Variants in FRYL observed in about 807,000 individuals in gnomAD.
The protein encoded by FRYL is protein furry homolog-like.
Under a neutral mutation model 351.2 loss-of-function variants are expected in FRYL, and 150 were observed. The ratio of observed to expected loss-of-function variants is 0.43; its 90% CI spans 0.37 to 0.49. The LOEUF is 0.49. Among genes scored for constraint, FRYL ranks in the 20% least tolerant of loss-of-function variants. FRYL has a pLI of 0.00. For synonymous variants in FRYL, 1,153 were observed against 1,257.1 expected (o/e 0.92, Z 1.75); for missense variants, 3,036 against 3,619.3 (o/e 0.84, Z 4.13).
chr4:48,614,116 C>G (rs1017718346), intron 7 of FRYL, among the ~76,000 whole-genome samples: 4 of 151,952 alleles, frequency 2.6e-5, no homozygotes, highest in African/African-American at 7.3e-5. Flanking sequence ...TCTGGTAAGA[C>G]AGAGTTCGAG....
Position 48,557,731 on chromosome 4 carries a change from C to A in FRYL, c.3866-19G>T. 2 of 1,610,778 alleles carry A rather than the reference C, an allele frequency of 1.2e-6. No homozygotes were observed. The highest frequency in any genetic ancestry group is 2.2e-5 in the South Asian group (2 of 90,914). On this transcript the variant is annotated intron_variant, in intron 33 of 63. Coordinates refer to ENST00000358350, the MANE Select transcript of FRYL (RefSeq NM_015030.2). ...CTTATCTCTGAAATTGAAAACAAGT[C>A]AAAGATAACTGATGTAATTTCAGCT...
intron 52 of FRYL, 31 bp from the exon 53 acceptor site, chr4:48,527,684 C>T (rs749041072): frequency 2.0e-5 from 31 of 1,576,492 alleles, no homozygotes; most frequent in Non-Finnish European, 2.7e-5. Flanking sequence ...AAAAAAAAGT[C>T]CATCCATCAG....
Position 48,510,973 on chromosome 4 carries a change from T to C in FRYL, c.8157A>G (p.Arg2719=). Residue 2719 remains arginine, a synonymous_variant, in exon 58 of 64, where the codon AGA becomes AGG. Coordinates refer to ENST00000358350, the MANE Select transcript of FRYL (RefSeq NM_015030.2). ...VFSRLFQTIQ[R]KFGEITNEAV... ...CCTCATTAGTTATTTCTCCAAACTT[T>C]CTTTGAATTGTCTATGGAGAAAAGC... 1.2e-6 allele frequency: 2 copies of C among 1,611,480 alleles called. No individual in the cohort carries two copies. The highest frequency in any genetic ancestry group is 8.5e-7 in the Non-Finnish European group (1 of 1,178,828).
At position 48,745,313 on chromosome 4, in the gene FRYL, T is replaced by C. The variant is rs183248782; in HGVS notation, c.-383-34615A>G. Among the ~76,000 whole-genome samples the C allele has an allele frequency of 1.4e-3, 207 of 152,340 alleles. 2 individuals carry two copies. In the East Asian group the frequency reaches 0.019, roughly 14 times the overall value. Reference sequence around the variant, plus strand: ...AAAGACACATGCACACGTATGTTTATTGCAGCACTATTCACAATAGCAAAG... The same window carrying C: ...AAAGACACATGCACACGTATGTTTACTGCAGCACTATTCACAATAGCAAAG... On this transcript the variant is annotated intron_variant, in intron 1 of 63. Coordinates refer to ENST00000358350, the MANE Select transcript of FRYL (RefSeq NM_015030.2).
chr4:48,674,433 AT>A (rs1258228561), intron 3 of FRYL, among the ~76,000 whole-genome samples: 1 of 152,170 alleles, frequency 6.6e-6, no homozygotes, highest in Non-Finnish European at 1.5e-5. Context: ...ACATGTGATC[AT>A]TTTGATTTCT....
intron 49 of FRYL, among the ~76,000 whole-genome samples, chr4:48,534,183 G>A (rs146084275): frequency 0.026 from 3,952 of 152,184 alleles, 65 homozygotes; most frequent in Admixed American, 0.046. Flanking sequence ...CCGAGACTGC[G>A]CCACTGCACT....
In FRYL at chr4:48,609,077, C is replaced by T. The variant is rs1560707361; in HGVS notation, c.492-10G>A. 1.3e-6 allele frequency: 2 copies of T among 1,513,554 alleles called. No individual in the cohort carries two copies. Among genetic ancestry groups the T allele is most frequent in the Admixed American group, 1.7e-5 (1 of 58,320 alleles). 93.8% of individuals were successfully genotyped at this position (1,513,554 alleles called of 1,614,324 possible). A position where few individuals can be genotyped will look rare whatever the true frequency, so the allele number is the denominator to read the frequency against. On this transcript the variant is annotated splice_polypyrimidine_tract_variant and intron_variant, in intron 8 of 63. Coordinates refer to ENST00000358350, the MANE Select transcript of FRYL (RefSeq NM_015030.2). The stretch of plus-strand genomic sequence containing the variant: ...GTTGGTTCCTGAATATCTAAAATAA[C>T]AAAAGAACAAACATAACATTTCATT...
chr4:48,530,525 T>C (rs1420449455), intron 50 of FRYL, among the ~76,000 whole-genome samples: 1 of 152,140 alleles, frequency 6.6e-6, no homozygotes, highest in African/African-American at 2.4e-5. Flanking sequence ...TCCTACTGGT[T>C]TAGATAAAAC....
chr4:48,523,679 G>A (rs1577931585), intron 53 of FRYL, among the ~76,000 whole-genome samples: 1 of 152,142 alleles, frequency 6.6e-6, no homozygotes, highest in African/African-American at 2.4e-5. Flanking sequence ...TGCAAAATAT[G>A]TTGTGAAAAA....
At chr4:48,555,455 G>A (rs1172636193) in intron 35 of FRYL, among the ~76,000 whole-genome samples, 1 of 152,230 alleles carries the variant, frequency 6.6e-6, no homozygotes, top group African/African-American at 2.4e-5. Flanking sequence ...GAAATGGAGT[G>A]TGTGTGTGGA....
intron 3 of FRYL, among the ~76,000 whole-genome samples, chr4:48,650,363 GAACA>G (rs983091639): frequency 6.6e-6 from 1 of 151,938 alleles, no homozygotes; most frequent in Non-Finnish European, 1.5e-5. Flanking sequence ...AATACACAAA[GAACA>G]AAAAGACAAT....
At chr4:48,607,699 T>C (rs1747155487) in intron 9 of FRYL, among the ~76,000 whole-genome samples, 1 of 152,174 alleles carries the variant, frequency 6.6e-6, no homozygotes, top group African/African-American at 2.4e-5. Context: ...CCTTTCACGT[T>C]TTCTCCCATG....
chr4:48,709,978 A>C (rs1767825771), intron 2 of FRYL, among the ~76,000 whole-genome samples: 1 of 151,974 alleles, frequency 6.6e-6, no homozygotes, highest in South Asian at 2.1e-4. Flanking sequence ...GCTCAATTTT[A>C]CTCTTCCCTC....
chr4:48,706,277 G>A (rs1767334788), intron 2 of FRYL, among the ~76,000 whole-genome samples: 1 of 152,040 alleles, frequency 6.6e-6, no homozygotes, highest in Non-Finnish European at 1.5e-5. Flanking sequence ...GATAAAATGT[G>A]GTATGTAAAT....
intron 1 of FRYL, among the ~76,000 whole-genome samples, chr4:48,722,221 T>C (rs1478167057): frequency 2.6e-5 from 4 of 152,200 alleles, no homozygotes; most frequent in Admixed American, 6.5e-5. Flanking sequence ...GAATTAACAA[T>C]GGGAAGCAGA....
At chr4:48,552,438 A>G (rs1733079127) in intron 36 of FRYL, among the ~76,000 whole-genome samples, 2 of 4,728 alleles carry the variant, frequency 4.2e-4, no homozygotes, top group South Asian at 0.25. Flanking sequence ...TATAGAACTT[A>G]TATTTTTTTT....
At position 48,567,623 on chromosome 4, in the gene FRYL, C is replaced by T. The variant is rs73814798; in HGVS notation, c.2997-203G>A. 0.029 allele frequency among the ~76,000 whole-genome samples: 4,434 copies of T among 152,230 alleles called. 75 individuals are homozygous for T. The highest frequency in any genetic ancestry group is 0.046 in the Admixed American group (709 of 15,292). On this transcript the variant is annotated intron_variant, in intron 27 of 63. Coordinates refer to ENST00000358350, the MANE Select transcript of FRYL (RefSeq NM_015030.2). This position sits in a 1 kb window ranked among gnomAD's most constrained non-coding sequence, Gnocchi z 4.2. ...ATGGTGCTTCTTAATCTAGGAACTG[C>T]TATTGCAATTTATATTATTCAACTC... is the stretch of plus-strand genomic sequence containing the variant.
At chr4:48,774,968 T>C (rs1775863658) in intron 1 of FRYL, among the ~76,000 whole-genome samples, 1 of 152,262 alleles carries the variant, frequency 6.6e-6, no homozygotes, top group African/African-American at 2.4e-5. Flanking sequence ...ATATGAGTTA[T>C]TTGCTAGGAT....
intron 2 of FRYL, among the ~76,000 whole-genome samples, chr4:48,700,491 A>G (rs1230664959): frequency 6.6e-6 from 1 of 152,170 alleles, no homozygotes; most frequent in Non-Finnish European, 1.5e-5. Flanking sequence ...TTGCTTTTAT[A>G]GATTCTCAGT....
Sources: gnomAD v4.1 joint callset for allele counts (sites outside exome capture counted in the v4.1 genomes callset) on GRCh38, gnomAD v4.1.1 for gene constraint, Gnocchi (gnomAD v3.1) non-coding constraint, MANE v1.5 for transcripts, NCBI Gene and HGNC (gene_info 2026-07-23, HGNC 2026-07-21) for gene names.